VAV3: variants seen among roughly 807,000 people sequenced by gnomAD.
VAV3 encodes the protein vav guanine nucleotide exchange factor 3.
A neutral mutation model predicts 131.2 loss-of-function variants in VAV3; 94 were observed. That is an observed-to-expected ratio of 0.72 (90% CI 0.61 to 0.85). VAV3 has a LOEUF of 0.85. Ranked by LOEUF, VAV3 falls within the 40% of genes least tolerant of loss-of-function variation. VAV3 has a pLI of 0.00. For synonymous variants in VAV3, 349 were observed against 342.0 expected, an observed-to-expected ratio of 1.02 and a Z score of -0.22; for missense variants, 939 against 1,002.7, an observed-to-expected ratio of 0.94 and a Z score of 0.86.
At chr1:107,954,627 C>G (rs1674713878) in intron 1 of VAV3, among the ~76,000 whole-genome samples, 1 of 151,328 alleles carries the variant, frequency 6.6e-6, no homozygotes, top group South Asian at 2.1e-4. Context: ...CCTCCACCTC[C>G]CAGGTTCAAG....
intron 20 of VAV3, among the ~76,000 whole-genome samples, chr1:107,625,311 T>A (rs879632108): frequency 2.6e-5 from 4 of 151,080 alleles, no homozygotes; most frequent in African/African-American, 7.3e-5. Context: ...CAGGCTGGAG[T>A]GCAATGGCGC....
chr1:107,768,686 T>C (rs1317362441), intron 6 of VAV3, among the ~76,000 whole-genome samples, 177 bp from the exon 7 acceptor site: 5 of 152,290 alleles, frequency 3.3e-5, no homozygotes, highest in East Asian at 3.8e-4. Flanking sequence ...TGAATAGATA[T>C]ATAAAAACAT....
At chr1:107,919,937 G>A (rs960575374) in intron 1 of VAV3, among the ~76,000 whole-genome samples, 1 of 152,000 alleles carries the variant, frequency 6.6e-6, no homozygotes, top group Admixed American at 6.5e-5. Flanking sequence ...ATTAACACTG[G>A]TTTTCATCAG....
At chr1:107,870,041 G>A (rs952001875) in intron 2 of VAV3, among the ~76,000 whole-genome samples, 37 of 152,102 alleles carry the variant, frequency 2.4e-4, no homozygotes, top group African/African-American at 7.5e-4. Flanking sequence ...ATTGATTGAC[G>A]GGCATTTGGG....
intron 20 of VAV3, among the ~76,000 whole-genome samples, chr1:107,634,352 A>G (rs71655926): frequency 0.13 from 19,186 of 152,162 alleles, 1,405 homozygotes; most frequent in South Asian, 0.25. Context: ...GACAAACCTG[A>G]CAAAAAGAAG....
At chr1:107,927,124 T>C (rs766389241) in intron 1 of VAV3, among the ~76,000 whole-genome samples, 1 of 152,114 alleles carries the variant, frequency 6.6e-6, no homozygotes, top group African/African-American at 2.4e-5. Flanking sequence ...CACAGCAGGA[T>C]AGGACATCAC....
At chr1:107,753,493 T>TACACACATATATACACAC (rs1553201224) in intron 12 of VAV3, among the ~76,000 whole-genome samples, 1 of 111,610 alleles carries the variant, frequency 9.0e-6, no homozygotes, top group Non-Finnish European at 1.9e-5. Flanking sequence ...TGTATATATA[T>TACACACATATATACACAC]ACACACATAT....
intron 4 of VAV3, among the ~76,000 whole-genome samples, chr1:107,773,896 T>G (rs1041831443): frequency 1.3e-5 from 2 of 152,098 alleles, no homozygotes; most frequent in South Asian, 4.1e-4. Flanking sequence ...GGAAGCAAAA[T>G]GGACTGAAAT....
intron 21 of VAV3, 45 bp downstream of exon 21, chr1:107,617,522 C>A: frequency 6.4e-7 from 1 of 1,562,360 alleles, no homozygotes; most frequent in Non-Finnish European, 8.7e-7. Flanking sequence ...ATCACAGGAT[C>A]AAAAACAAAA....
intron 2 of VAV3, among the ~76,000 whole-genome samples, chr1:107,821,166 G>A (rs192223366): frequency 6.6e-6 from 1 of 152,266 alleles, no homozygotes; most frequent in East Asian, 1.9e-4. Context: ...CATATCCTTA[G>A]AAGACAAAAT....
chr1:107,596,198 A>G lies in VAV3; in HGVS notation c.2350+14T>C. 2 of 1,603,210 alleles carry G rather than the reference A, an allele frequency of 1.2e-6. No individual in the cohort carries two copies. Among genetic ancestry groups the G allele is most frequent in the Non-Finnish European group, 1.7e-6 (2 of 1,176,616 alleles). On this transcript the variant is annotated intron_variant, in intron 25 of 26. Transcript: ENST00000370056. Reference sequence around the variant, plus strand: ...TAAGTGACAGCAAATTGTATTCTCAATTACAATACTTACAGCTGTTGCCTG... The same window carrying G: ...TAAGTGACAGCAAATTGTATTCTCAGTTACAATACTTACAGCTGTTGCCTG...
chr1:107,761,589 G>T (rs1664434480), intron 9 of VAV3, among the ~76,000 whole-genome samples: 1 of 151,944 alleles, frequency 6.6e-6, no homozygotes, highest in Non-Finnish European at 1.5e-5. Context: ...CTCAACTATG[G>T]TTTATTCAGT....
At chr1:107,617,503 G>A (rs1653248679) in intron 21 of VAV3, 64 bp downstream of exon 21, 2 of 1,441,656 alleles carry the variant, frequency 1.4e-6, no homozygotes, top group Non-Finnish European at 1.9e-6. Context: ...GTAGATTTTT[G>A]CACAATTAAT....
chr1:107,693,488 C>A (rs1320060868), intron 17 of VAV3, among the ~76,000 whole-genome samples: 1 of 152,068 alleles, frequency 6.6e-6, no homozygotes, highest in East Asian at 1.9e-4. Flanking sequence ...AAGTAATTAT[C>A]ATTTCCAGGG....
At chr1:107,795,433 A>G (rs142625003) in intron 2 of VAV3, among the ~76,000 whole-genome samples, 177 of 152,260 alleles carry the variant, frequency 1.2e-3, no homozygotes, top group African/African-American at 4.0e-3. Context: ...GCTTCTGTGC[A>G]ATGGTATTTG....
In VAV3 at chr1:107,574,027, C is replaced by A. The variant is rs753143856; in HGVS notation, c.2502+20G>T. 2 of 1,612,256 alleles carry A rather than the reference C, an allele frequency of 1.2e-6. No homozygotes were observed. The highest frequency in any genetic ancestry group is 2.2e-5 in the South Asian group (2 of 90,602). On this transcript the variant is annotated intron_variant, in intron 26 of 26. Coordinates refer to ENST00000370056, the MANE Select transcript of VAV3 (RefSeq NM_006113.5). ...TCCCCTTCTTTCACATGCACCAGCACATCGAGAGGGCCAACTTACCCTGCC... is the reference window on the plus strand; with the variant it reads ...TCCCCTTCTTTCACATGCACCAGCAAATCGAGAGGGCCAACTTACCCTGCC...
chr1:107,654,467 C>T (rs968280277), intron 19 of VAV3, among the ~76,000 whole-genome samples: 1 of 152,000 alleles, frequency 6.6e-6, no homozygotes, highest in African/African-American at 2.4e-5. Flanking sequence ...TTGTCATCTA[C>T]AATTTTTCAA....
chr1:107,744,014 G>T (rs182202809), intron 15 of VAV3, among the ~76,000 whole-genome samples: 1 of 152,184 alleles, frequency 6.6e-6, no homozygotes, highest in Admixed American at 6.5e-5. Context: ...GATTTGTGGA[G>T]CTTAACGGCT....
chr1:107,753,537 T>C (rs1281543232), intron 12 of VAV3, among the ~76,000 whole-genome samples: 6 of 90,834 alleles, frequency 6.6e-5, no homozygotes, highest in Non-Finnish European at 9.6e-5. Flanking sequence ...CGTATATATA[T>C]ATATATATAT....
Sources: gnomAD v4.1 joint callset for allele counts (sites outside exome capture counted in the v4.1 genomes callset) on GRCh38, gnomAD v4.1.1 for gene constraint, MANE v1.5 for transcripts, NCBI Gene and HGNC (gene_info 2026-07-23, HGNC 2026-07-21) for gene names.